The following ASCC1 variants were observed in gnomAD, a reference collection of about 807,000 sequenced individuals.
ASCC1 encodes the protein ASC-1 complex subunit P50.
ASCC1 carries 35 observed loss-of-function variants against 46.6 expected under a neutral mutation model. That is an observed-to-expected ratio of 0.75 (90% CI 0.57 to 0.99). The LOEUF (loss-of-function observed/expected upper bound fraction) is 0.99. ASCC1 is among the 50% of genes least tolerant of loss of function. The pLI is 0.00. For synonymous variants in ASCC1, 143 were observed against 146.6 expected (o/e 0.98, Z 0.18); for missense variants, 376 against 428.7 (o/e 0.88, Z 1.09).
rs557537011 is a variant in ASCC1, at chr10:72,128,798, T to C, written c.872-631A>G. ...ATATCTCAAAAGACATCCTTAAAGG[T>C]TGGCAAGGAAAAGAATATCAAAAGA... On this transcript the variant is annotated intron_variant, in intron 8 of 9. Coordinates refer to ENST00000672957, the MANE Select transcript of ASCC1 (RefSeq NM_001198800.3). Among the ~76,000 whole-genome samples, 107 of 152,188 alleles carry C rather than the reference T, an allele frequency of 7.0e-4. 1 individual carries two copies. Among genetic ancestry groups the C allele is most frequent in the Admixed American group, 4.5e-3 (69 of 15,292 alleles).
chr10:72,172,107 G>GTT (rs368275958), intron 5 of ASCC1, among the ~76,000 whole-genome samples: 1 of 152,120 alleles, frequency 6.6e-6, no homozygotes, highest in Non-Finnish European at 1.5e-5. Context: ...CAATTTTGAA[G>GTT]TTTTTTTAGA....
chr10:72,111,306 G>A (rs1424375603), intron 9 of ASCC1, among the ~76,000 whole-genome samples: 1 of 152,068 alleles, frequency 6.6e-6, no homozygotes, highest in Non-Finnish European at 1.5e-5. Context: ...TGGGCAACAT[G>A]GCAAGACATC....
intron 5 of ASCC1, chr10:72,190,647 T>C (rs755265170): frequency 4.9e-5 from 38 of 775,830 alleles, no homozygotes; most frequent in Non-Finnish European, 7.5e-5. Flanking sequence ...ACAGGTGTTA[T>C]TTGTCTGTTA....
chr10:72,153,281 G>C (rs1348516582), intron 6 of ASCC1, among the ~76,000 whole-genome samples: 1 of 152,232 alleles, frequency 6.6e-6, no homozygotes, highest in Non-Finnish European at 1.5e-5. Flanking sequence ...AGTGATGACA[G>C]TTCTGATCCA....
At chr10:72,155,714 A>C (rs1416078729) in intron 6 of ASCC1, among the ~76,000 whole-genome samples, 1 of 152,180 alleles carries the variant, frequency 6.6e-6, no homozygotes, top group Non-Finnish European at 1.5e-5. Context: ...GTAAAACCCC[A>C]CCATCCTGTT....
chr10:72,204,791 G>A (rs1856966299), intron 3 of ASCC1, among the ~76,000 whole-genome samples: 1 of 152,180 alleles, frequency 6.6e-6, no homozygotes, highest in Non-Finnish European at 1.5e-5. Context: ...GTTTTCCTGT[G>A]TGTTGGGATA....
rs1293234615 is a variant in ASCC1 at position 72,193,688 on chromosome 10, T to C, written c.489+3123A>G. On this transcript the variant is annotated intron_variant, in intron 5 of 9. Transcript: ENST00000672957. ...ACCCCAAAAAAGTCCATTTTAATTA[T>C]AATAATGTTGAAGATAAAATTGAAA... is the stretch of plus-strand genomic sequence containing the variant. 1.2e-4 allele frequency among the ~76,000 whole-genome samples: 18 copies of C among 152,220 alleles called. No individual in the cohort carries two copies. In the East Asian group the frequency reaches 2.1e-3, roughly 18 times the overall value.
intron 3 of ASCC1, among the ~76,000 whole-genome samples, chr10:72,208,088 C>G (rs981410914): frequency 6.6e-6 from 1 of 152,030 alleles, no homozygotes; most frequent in Non-Finnish European, 1.5e-5. Context: ...TCTTGGCCTC[C>G]CGAAGTGCTG....
intron 9 of ASCC1, among the ~76,000 whole-genome samples, chr10:72,121,937 G>A (rs1844256190): frequency 6.6e-6 from 1 of 152,164 alleles, no homozygotes; most frequent in South Asian, 2.1e-4. Context: ...TCCAACAACA[G>A]CAGATTACAT....
At chr10:72,134,845 T>A (rs1846006231) in intron 7 of ASCC1, among the ~76,000 whole-genome samples, 1 of 152,134 alleles carries the variant, frequency 6.6e-6, no homozygotes, top group Non-Finnish European at 1.5e-5. Context: ...AACCGTACAG[T>A]ACAACACTCG....
intron 4 of ASCC1, among the ~76,000 whole-genome samples, chr10:72,201,415 G>A (rs951080975): frequency 1.3e-5 from 2 of 152,126 alleles, no homozygotes; most frequent in African/African-American, 2.4e-5. Context: ...GGGGCTAGAC[G>A]CAGTGACTCT....
intron 7 of ASCC1, among the ~76,000 whole-genome samples, chr10:72,145,896 C>T (rs1285553596): frequency 6.6e-6 from 1 of 152,144 alleles, no homozygotes; most frequent in Non-Finnish European, 1.5e-5. Context: ...TGGAAAAAAA[C>T]TTCCTTTAAG....
chr10:72,179,060 T>C (rs1852223770), intron 5 of ASCC1, among the ~76,000 whole-genome samples: 1 of 151,794 alleles, frequency 6.6e-6, no homozygotes, highest in African/African-American at 2.4e-5. Context: ...TCGGGAAGAG[T>C]ATATGATTTG....
rs372245178 is a variant in ASCC1, at chr10:72,188,829, C to A, written c.489+7982G>T. ...CCAGGCTAGTAGTGCACAATCATGGCTCACTACAGGCTTGACCTCCTGGGC... is the reference window on the plus strand; with the variant it reads ...CCAGGCTAGTAGTGCACAATCATGGATCACTACAGGCTTGACCTCCTGGGC... On this transcript the variant is annotated intron_variant, in intron 5 of 9. Coordinates refer to ENST00000672957, the MANE Select transcript of ASCC1 (RefSeq NM_001198800.3). 2.6e-5 allele frequency among the ~76,000 whole-genome samples: 4 copies of A among 152,184 alleles called. No homozygotes were observed. In the South Asian group the frequency reaches 8.3e-4, roughly 32 times the overall value.
At chr10:72,104,642 C>T (rs1159494125) in intron 9 of ASCC1, among the ~76,000 whole-genome samples, 1 of 152,046 alleles carries the variant, frequency 6.6e-6, no homozygotes, top group African/African-American at 2.4e-5. Context: ...TAACAATTCC[C>T]TTGGGGATTT....
intron 5 of ASCC1, among the ~76,000 whole-genome samples, chr10:72,169,002 T>C (rs1303276636): frequency 6.6e-6 from 1 of 152,204 alleles, no homozygotes; most frequent in East Asian, 1.9e-4. Context: ...TGAAGATACA[T>C]CAACAACGTA....
intron 5 of ASCC1, among the ~76,000 whole-genome samples, chr10:72,178,764 A>AC: frequency 6.6e-6 from 1 of 152,192 alleles, no homozygotes; most frequent in Non-Finnish European, 1.5e-5. Context: ...GTAATTTTTT[A>AC]CACAGCAATA....
chr10:72,161,882 A>G (rs1368999232), intron 5 of ASCC1, among the ~76,000 whole-genome samples: 5 of 152,150 alleles, frequency 3.3e-5, no homozygotes, highest in Non-Finnish European at 7.4e-5. Flanking sequence ...ATAGACTACT[A>G]CCTCCTACCA....
intron 5 of ASCC1, among the ~76,000 whole-genome samples, chr10:72,181,257 C>T (rs1284885754): frequency 2.0e-5 from 3 of 152,220 alleles, no homozygotes; most frequent in African/African-American, 4.8e-5. Flanking sequence ...AGCCACCGCG[C>T]CCGGCCTATT....
Sources: gnomAD v4.1 joint callset for allele counts (sites outside exome capture counted in the v4.1 genomes callset) on GRCh38, gnomAD v4.1.1 for gene constraint, MANE v1.5 for transcripts, NCBI Gene and HGNC (gene_info 2026-07-23, HGNC 2026-07-21) for gene names.